STXBP5L: variants seen among roughly 807,000 people sequenced by gnomAD.
STXBP5L encodes syntaxin binding protein 5L.
A neutral mutation model predicts 144.5 loss-of-function variants in STXBP5L; 65 were observed. That is an observed-to-expected ratio of 0.45 (90% CI 0.37 to 0.55). The LOEUF (loss-of-function observed/expected upper bound fraction) is 0.55, where lower values mean the gene tolerates loss of function less well. STXBP5L is among the 20% of genes least tolerant of loss of function. The pLI is 0.00. For synonymous variants in STXBP5L, 505 were observed against 469.6 expected (o/e 1.08, Z -0.97); for missense variants, 1,298 against 1,405.5 (o/e 0.92, Z 1.22).
chr3:121,070,372 G>A (rs1044316034), intron 5 of STXBP5L, among the ~76,000 whole-genome samples: 17 of 152,168 alleles, frequency 1.1e-4, no homozygotes, highest in Admixed American at 9.8e-4. Context: ...GTGGAGTTGT[G>A]GAGTATAGAT....
At chr3:121,402,229 T>TAA (rs1472962838) in intron 22 of STXBP5L, among the ~76,000 whole-genome samples, 4 of 152,162 alleles carry the variant, frequency 2.6e-5, no homozygotes, top group African/African-American at 9.7e-5. Flanking sequence ...GCACTGAAGA[T>TAA]AAAGTAATGA....
chr3:120,915,639 A>C (rs1709065656), intron 2 of STXBP5L, among the ~76,000 whole-genome samples: 2 of 152,112 alleles, frequency 1.3e-5, no homozygotes, highest in Non-Finnish European at 2.9e-5. Flanking sequence ...TTAGTATTTG[A>C]AAGGCTAATC....
intron 20 of STXBP5L, chr3:121,357,286 A>G (rs2045550521): frequency 5.2e-6 from 1 of 192,666 alleles, no homozygotes; most frequent in South Asian, 1.3e-4. Context: ...CTAGAGAACA[A>G]AATTGTTGTA....
At chr3:121,136,933 T>C (rs564321777) in intron 7 of STXBP5L, among the ~76,000 whole-genome samples, 5 of 152,202 alleles carry the variant, frequency 3.3e-5, no homozygotes, top group African/African-American at 1.2e-4. Context: ...TTTCAGCACA[T>C]AGAGGGAGCT....
In STXBP5L at chr3:121,370,840, G is replaced by GT. The variant is rs537364559; in HGVS notation, c.2177-7870dup. 1.5e-3 allele frequency among the ~76,000 whole-genome samples: 225 copies of GT among 152,262 alleles called. 1 individual carries two copies. Among genetic ancestry groups the GT allele is most frequent in the African/African-American group, 5.1e-3 (211 of 41,550 alleles). On this transcript the variant is annotated intron_variant, in intron 20 of 26. Transcript: ENST00000471454. The stretch of plus-strand genomic sequence containing the variant: ...TTGCATTATGAAATTCTTGTAGAGT[G>GT]TTTTTTAGCTCTATCAGCTCAGTTA...
intron 20 of STXBP5L, among the ~76,000 whole-genome samples, chr3:121,370,426 T>G (rs2045996605): frequency 6.6e-6 from 1 of 152,186 alleles, no homozygotes; most frequent in Non-Finnish European, 1.5e-5. Context: ...CTGCTTCCCC[T>G]TCACTTTCCA....
intron 2 of STXBP5L, among the ~76,000 whole-genome samples, chr3:120,929,567 C>T (rs1182310061): frequency 2.0e-5 from 3 of 151,910 alleles, no homozygotes; most frequent in South Asian, 2.1e-4. Context: ...CAGTTTTTCT[C>T]TTCTTACAGT....
At chr3:120,986,794 A>G (rs1265987247) in intron 3 of STXBP5L, among the ~76,000 whole-genome samples, 2 of 151,982 alleles carry the variant, frequency 1.3e-5, no homozygotes, top group African/African-American at 2.4e-5. Flanking sequence ...GAAAATTACA[A>G]TACTTTAAAT....
At chr3:121,318,309 A>T (rs897734921) in intron 19 of STXBP5L, among the ~76,000 whole-genome samples, 166 bp from the exon 20 acceptor site, 1 of 151,956 alleles carries the variant, frequency 6.6e-6, no homozygotes, top group African/African-American at 2.4e-5. Flanking sequence ...ATAAAAAAAA[A>T]ATTAATAAAA....
intron 3 of STXBP5L, among the ~76,000 whole-genome samples, chr3:121,027,844 T>A (rs1374646010): frequency 6.6e-6 from 1 of 152,078 alleles, no homozygotes; most frequent in African/African-American, 2.4e-5. Context: ...GGTGCATTAT[T>A]CTACCTACTA....
chr3:121,006,320 C>T (rs1944299138), intron 3 of STXBP5L, among the ~76,000 whole-genome samples: 1 of 152,036 alleles, frequency 6.6e-6, no homozygotes, highest in Non-Finnish European at 1.5e-5. Flanking sequence ...CCTTCTTTGT[C>T]TCTTTTGATC....
chr3:120,990,625 AAC>A (rs1474181893), intron 3 of STXBP5L, among the ~76,000 whole-genome samples: 1 of 152,212 alleles, frequency 6.6e-6, no homozygotes, highest in Non-Finnish European at 1.5e-5. Context: ...CTGGTACCAA[AAC>A]AGAGATATAG....
At chr3:121,009,083 C>A (rs191692165) in intron 3 of STXBP5L, among the ~76,000 whole-genome samples, 4 of 151,800 alleles carry the variant, frequency 2.6e-5, no homozygotes, top group African/African-American at 9.7e-5. Context: ...TGGTTCCATG[C>A]GTAGCCTCCA....
At chr3:121,144,601 G>A (rs1292058018) in intron 7 of STXBP5L, among the ~76,000 whole-genome samples, 2 of 151,846 alleles carry the variant, frequency 1.3e-5, no homozygotes, top group African/African-American at 2.4e-5. Flanking sequence ...ATATAATACA[G>A]CAGTCCCATT....
intron 3 of STXBP5L, among the ~76,000 whole-genome samples, chr3:120,990,105 CAA>C (rs1942689560): frequency 1.3e-5 from 2 of 152,148 alleles, no homozygotes; most frequent in Admixed American, 1.3e-4. Flanking sequence ...GCAACTTCAG[CAA>C]AGTCTCAGGA....
intron 2 of STXBP5L, among the ~76,000 whole-genome samples, chr3:120,950,826 A>G (rs540121102): frequency 5.9e-5 from 9 of 152,258 alleles, no homozygotes; most frequent in Non-Finnish European, 1.3e-4. Context: ...TATGGAACCA[A>G]AAAAGAGCCA....
intron 3 of STXBP5L, among the ~76,000 whole-genome samples, chr3:121,005,362 A>G (rs752796733): frequency 6.6e-6 from 1 of 152,104 alleles, no homozygotes; most frequent in Non-Finnish European, 1.5e-5. Flanking sequence ...GTATTCTCTG[A>G]TGGTAGTTTG....
intron 20 of STXBP5L, among the ~76,000 whole-genome samples, chr3:121,320,452 C>T (rs2043931689): frequency 6.6e-6 from 1 of 151,902 alleles, no homozygotes; most frequent in Non-Finnish European, 1.5e-5. Context: ...ATGAAACCTC[C>T]ATTTTCTCCT....
chr3:120,984,384 T>G (rs1450872511), intron 3 of STXBP5L, among the ~76,000 whole-genome samples: 1 of 152,204 alleles, frequency 6.6e-6, no homozygotes, highest in Non-Finnish European at 1.5e-5. Context: ...GAATAGTTTC[T>G]TGAATTTTTG....
Sources: gnomAD v4.1 joint callset for allele counts (sites outside exome capture counted in the v4.1 genomes callset) on GRCh38, gnomAD v4.1.1 for gene constraint, MANE v1.5 for transcripts, NCBI Gene and HGNC (gene_info 2026-07-23, HGNC 2026-07-21) for gene names.